Variants in POT1 observed in about 807,000 individuals in gnomAD.
POT1 encodes the protein protection of telomeres protein 1.
In POT1, 47 loss-of-function variants were observed where a neutral mutation model predicts 78.5. The ratio of observed to expected loss-of-function variants is 0.60; its 90% CI spans 0.47 to 0.76. POT1 has a LOEUF of 0.76. Among genes scored for constraint, POT1 ranks in the 30% least tolerant of loss-of-function variants. The probability of loss-of-function intolerance (pLI) is 0.00; values close to 1 mark genes in which losing one functional copy is unlikely to be tolerated. For missense variants in POT1, 646 were observed against 749.9 expected, an observed-to-expected ratio of 0.86 and a Z score of 1.62; for synonymous variants, 259 against 260.7, an observed-to-expected ratio of 0.99 and a Z score of 0.06.
chr7:124,902,964 A>G (rs1796660456), intron 3 of POT1, among the ~76,000 whole-genome samples: 3 of 152,202 alleles, frequency 2.0e-5, no homozygotes, highest in Admixed American at 2.0e-4. Flanking sequence ...CAAGTCCACA[A>G]GAAAAGCTAA....
rs577760313 is a variant in POT1 at position 124,851,254 on chromosome 7, G to A, written c.949+618C>T. On this transcript the variant is annotated intron_variant, in intron 11 of 18. Coordinates refer to ENST00000357628, the MANE Select transcript of POT1 (RefSeq NM_015450.3). Reference sequence around the variant, plus strand: ...GGAGTTTGAAGCCGCAGTGAGCTATGGTCCTATCACTGCATTCCAGCCTGG... The same window carrying A: ...GGAGTTTGAAGCCGCAGTGAGCTATAGTCCTATCACTGCATTCCAGCCTGG... Among the ~76,000 whole-genome samples, 4 of 152,218 alleles carry A rather than the reference G, an allele frequency of 2.6e-5. No individual in the cohort carries two copies. In the East Asian group the frequency reaches 7.8e-4, roughly 30 times the overall value.
intron 7 of POT1, among the ~76,000 whole-genome samples, chr7:124,868,537 T>C (rs888686161): frequency 2.6e-4 from 40 of 151,918 alleles, no homozygotes; most frequent in Admixed American, 1.2e-3. Context: ...ATTGACCATA[T>C]GTTAGAATAT....
intron 6 of POT1, among the ~76,000 whole-genome samples, chr7:124,884,253 G>C (rs556247346): frequency 2.6e-5 from 4 of 151,974 alleles, no homozygotes; most frequent in Non-Finnish European, 5.9e-5. Context: ...AAAAATGTTA[G>C]GGCCCCATAT....
intron 15 of POT1, among the ~76,000 whole-genome samples, chr7:124,830,923 ACAAT>A (rs1361831127): frequency 6.6e-6 from 1 of 152,218 alleles, no homozygotes; most frequent in Non-Finnish European, 1.5e-5. Context: ...AAGAAACCTT[ACAAT>A]CAATTACATG....
intron 7 of POT1, among the ~76,000 whole-genome samples, chr7:124,865,387 C>T (rs1192398403): frequency 1.3e-5 from 2 of 152,062 alleles, no homozygotes; most frequent in African/African-American, 4.8e-5. Flanking sequence ...TTTCCCTTCA[C>T]CCTCTCTCCT....
At chr7:124,910,729 G>C (rs184971491) in intron 3 of POT1, among the ~76,000 whole-genome samples, 3 of 151,878 alleles carry the variant, frequency 2.0e-5, no homozygotes, top group Non-Finnish European at 4.4e-5. Context: ...ATTAGAATTT[G>C]CATCTCTTTA....
chr7:124,873,052 T>C (rs925929412), intron 6 of POT1, among the ~76,000 whole-genome samples: 17 of 152,344 alleles, frequency 1.1e-4, no homozygotes, highest in African/African-American at 4.1e-4. Flanking sequence ...CTAGTTGAGT[T>C]CCTCATATAC....
chr7:124,863,043 C>A (rs1243075824), intron 8 of POT1, among the ~76,000 whole-genome samples: 2 of 151,976 alleles, frequency 1.3e-5, no homozygotes, highest in Non-Finnish European at 2.9e-5. Context: ...TATAGGACTA[C>A]AAACTATGAA....
At chr7:124,840,812 A>G (rs562227843) in intron 14 of POT1, 161 bp downstream of exon 14, 28 of 513,148 alleles carry the variant, frequency 5.5e-5, no homozygotes, top group African/African-American at 4.1e-4. Flanking sequence ...GTGCTTATAT[A>G]TATTTGAACC....
chr7:124,833,263 G>A (rs947408601), intron 15 of POT1, among the ~76,000 whole-genome samples: 2 of 152,132 alleles, frequency 1.3e-5, no homozygotes, highest in Admixed American at 6.5e-5. Flanking sequence ...ATGTTGGAAG[G>A]ACAGAGGGCA....
chr7:124,836,022 C>A (rs1794893007), intron 14 of POT1, among the ~76,000 whole-genome samples: 1 of 152,130 alleles, frequency 6.6e-6, no homozygotes, highest in South Asian at 2.1e-4. Flanking sequence ...AATGCTTCCT[C>A]TCTCCAGGCA....
intron 16 of POT1, chr7:124,829,033 G>C (rs1248301178): frequency 1.4e-6 from 1 of 734,670 alleles, no homozygotes; most frequent in Non-Finnish European, 2.5e-6. Flanking sequence ...AAAATAGTAA[G>C]GCATAGGGGA....
chr7:124,909,972 A>G (rs1796853574), intron 3 of POT1, among the ~76,000 whole-genome samples: 1 of 151,964 alleles, frequency 6.6e-6, no homozygotes, highest in South Asian at 2.1e-4. Flanking sequence ...TCCAAGATAT[A>G]TTAGGTAAAA....
chr7:124,890,742 G>A (rs1796351134), intron 6 of POT1, among the ~76,000 whole-genome samples: 1 of 151,764 alleles, frequency 6.6e-6, no homozygotes, highest in South Asian at 2.1e-4. Context: ...ATTTTTTAAT[G>A]TAAACTAGTA....
rs776461827 is a variant in POT1, at chr7:124,825,366, T to C, written c.1687-9A>G. 3.2e-6 allele frequency: 5 copies of C among 1,563,344 alleles called. No homozygotes were observed. The East Asian group carries it at 6.8e-5, about 21-fold the overall frequency. On this transcript the variant is annotated splice_polypyrimidine_tract_variant and intron_variant, in intron 17 of 18. Transcript: ENST00000357628. Reference sequence around the variant, plus strand: ...ATCTGGAAGAATTTGTCCTTAAAAATGTTTCATGAGAGAAAAAAAAAGGAA... The same window carrying C: ...ATCTGGAAGAATTTGTCCTTAAAAACGTTTCATGAGAGAAAAAAAAAGGAA...
intron 18 of POT1, among the ~76,000 whole-genome samples, chr7:124,824,422 G>C (rs1477625527): frequency 6.6e-6 from 1 of 151,938 alleles, no homozygotes; most frequent in Non-Finnish European, 1.5e-5. Context: ...CTTACTTCTA[G>C]AAATCTATCC....
intron 9 of POT1, among the ~76,000 whole-genome samples, chr7:124,856,195 C>T (rs796602064): frequency 2.0e-5 from 3 of 152,022 alleles, no homozygotes; most frequent in East Asian, 1.9e-4. Flanking sequence ...GACACAAAAA[C>T]GTAATTTTAA....
At chr7:124,913,205 T>C (rs1159921304) in intron 3 of POT1, among the ~76,000 whole-genome samples, 2 of 152,282 alleles carry the variant, frequency 1.3e-5, no homozygotes, top group Admixed American at 6.5e-5. Context: ...TTGTGGGAGT[T>C]ACAATTCAAG....
At chr7:124,929,160 C>CA (rs1797347131) in intron 1 of POT1, among the ~76,000 whole-genome samples, 161 bp from the exon 2 acceptor site, 1 of 152,100 alleles carries the variant, frequency 6.6e-6, no homozygotes, top group South Asian at 2.1e-4. Context: ...AAGATCAATA[C>CA]AAAACATTCT....
Sources: allele counts gnomAD v4.1 joint callset (sites outside exome capture counted in the v4.1 genomes callset), GRCh38; gene constraint gnomAD v4.1.1; transcripts MANE v1.5; gene names NCBI Gene and HGNC (gene_info 2026-07-23, HGNC 2026-07-21).